Variants in RHPN2 observed in about 807,000 individuals in gnomAD.
RHPN2 encodes rhophilin Rho GTPase binding protein 2.
A neutral mutation model predicts 79.0 loss-of-function variants in RHPN2; 40 were observed. That is an observed-to-expected ratio of 0.51 (90% CI 0.39 to 0.66). RHPN2 has a LOEUF of 0.66. RHPN2 is among the 30% of genes least tolerant of loss of function. The pLI is 0.00. For missense variants in RHPN2, 686 were observed against 883.5 expected, an observed-to-expected ratio of 0.78 and a Z score of 2.83; for synonymous variants, 285 against 363.5, an observed-to-expected ratio of 0.78 and a Z score of 2.46.
chr19:33,003,321 G>C (rs1312680890), intron 7 of RHPN2, among the ~76,000 whole-genome samples: 1 of 120,758 alleles, frequency 8.3e-6, no homozygotes, highest in Non-Finnish European at 1.6e-5. Flanking sequence ...TCTCACTACT[G>C]CACTCCAGCC....
chr19:32,986,680 G>A (rs1971615136), intron 14 of RHPN2, among the ~76,000 whole-genome samples: 1 of 151,368 alleles, frequency 6.6e-6, no homozygotes, highest in East Asian at 2.0e-4. Flanking sequence ...TATAATCCCA[G>A]TCACTCGGGA....
intron 3 of RHPN2, among the ~76,000 whole-genome samples, chr19:33,024,216 G>A (rs1971948318): frequency 6.6e-6 from 1 of 151,954 alleles, no homozygotes; most frequent in Admixed American, 6.6e-5. Flanking sequence ...GGTGGATCAC[G>A]AGGTCAGGAG....
At chr19:33,053,753 C>T (rs1023090706) in intron 1 of RHPN2, among the ~76,000 whole-genome samples, 2 of 151,822 alleles carry the variant, frequency 1.3e-5, no homozygotes, top group African/African-American at 4.8e-5. Flanking sequence ...TTACTAGAGA[C>T]GTGGTTTCAC....
intron 1 of RHPN2, among the ~76,000 whole-genome samples, chr19:33,045,510 G>C (rs1447790459): frequency 6.7e-6 from 1 of 149,770 alleles, no homozygotes; most frequent in Non-Finnish European, 1.5e-5. Flanking sequence ...GTCTTGCTGT[G>C]TCATCCAGGC....
At chr19:33,057,401 G>A (rs1470420040) in intron 1 of RHPN2, among the ~76,000 whole-genome samples, 2 of 152,024 alleles carry the variant, frequency 1.3e-5, no homozygotes, top group African/African-American at 4.8e-5. Flanking sequence ...TTTTATAATA[G>A]ACCTGAGGCT....
chr19:33,033,121 T>G (rs1290956156), intron 2 of RHPN2, among the ~76,000 whole-genome samples: 1 of 152,200 alleles, frequency 6.6e-6, no homozygotes, highest in Non-Finnish European at 1.5e-5. Flanking sequence ...CTTGGTATTT[T>G]TTTCCTAGAA....
In RHPN2 at chr19:33,000,782, C is replaced by T. The variant is rs190304278; in HGVS notation, c.1106-1077G>A. On this transcript the variant is annotated intron_variant, in intron 9 of 14. Transcript: ENST00000254260. Reference sequence around the variant, plus strand: ...CTTTACTCCCTCTAGGCTGACCCTTCCCTCCTGTGCAGATGGAAAAGTTGA... The same window carrying T: ...CTTTACTCCCTCTAGGCTGACCCTTTCCTCCTGTGCAGATGGAAAAGTTGA... Among the ~76,000 whole-genome samples the T allele has an allele frequency of 2.1e-3, 324 of 152,280 alleles. 1 individual carries two copies. The highest frequency in any genetic ancestry group is 2.7e-3 in the Non-Finnish European group (186 of 68,016).
chr19:32,983,092 A>ACACT (rs1555709334), intron 14 of RHPN2, among the ~76,000 whole-genome samples: 1 of 144,372 alleles, frequency 6.9e-6, no homozygotes, highest in African/African-American at 2.6e-5. Flanking sequence ...ACACACACAC[A>ACACT]CACTCCTGCA....
chr19:33,022,209 A>G (rs182939044), intron 3 of RHPN2, among the ~76,000 whole-genome samples: 41 of 152,186 alleles, frequency 2.7e-4, no homozygotes, highest in African/African-American at 8.7e-4. Flanking sequence ...TGGCCTCCCA[A>G]TGTGCTGGGA....
intron 1 of RHPN2, among the ~76,000 whole-genome samples, chr19:33,063,699 C>G (rs536456391): frequency 6.6e-6 from 1 of 152,224 alleles, no homozygotes; most frequent in African/African-American, 2.4e-5. Context: ...TCCCAGGGCC[C>G]CTGCTCCACA....
intron 14 of RHPN2, among the ~76,000 whole-genome samples, chr19:32,984,689 C>T (rs891849316): frequency 6.6e-6 from 1 of 151,934 alleles, no homozygotes. Context: ...CAGTGGCTCA[C>T]GCCTGTAATC....
chr19:32,992,561 C>T (rs1306214880), intron 12 of RHPN2, among the ~76,000 whole-genome samples: 2 of 152,168 alleles, frequency 1.3e-5, no homozygotes, highest in Non-Finnish European at 2.9e-5. Context: ...TAATCCTAAG[C>T]ACTTTGTGTG....
At chr19:33,012,482 T>C (rs1971843062) in intron 5 of RHPN2, among the ~76,000 whole-genome samples, 165 bp downstream of exon 5, 1 of 152,028 alleles carries the variant, frequency 6.6e-6, no homozygotes, top group Non-Finnish European at 1.5e-5. Flanking sequence ...CCTGGCCTCC[T>C]TCTACAGTTT....
chr19:33,019,519 C>T (rs1971906070), intron 4 of RHPN2, among the ~76,000 whole-genome samples: 1 of 151,930 alleles, frequency 6.6e-6, no homozygotes, highest in Non-Finnish European at 1.5e-5. Context: ...GTGAAGGTTG[C>T]GGTGAGCCGA....
chr19:32,984,094 T>G (rs1339549523), intron 14 of RHPN2, among the ~76,000 whole-genome samples: 1 of 152,186 alleles, frequency 6.6e-6, no homozygotes, highest in Non-Finnish European at 1.5e-5. Context: ...ATGAACGTGC[T>G]GAAGGTTACA....
At chr19:32,983,128 A>G (rs553678664) in intron 14 of RHPN2, among the ~76,000 whole-genome samples, 1 of 140,922 alleles carries the variant, frequency 7.1e-6, no homozygotes, top group East Asian at 2.1e-4. Flanking sequence ...TTCTTTGAAA[A>G]GCTTTTCTTG....
intron 4 of RHPN2, among the ~76,000 whole-genome samples, chr19:33,017,837 A>G (rs940537647): frequency 6.6e-6 from 1 of 151,966 alleles, no homozygotes; most frequent in Non-Finnish European, 1.5e-5. Context: ...CCTGGCCAAC[A>G]TGGTGAAACC....
At position 33,008,289 on chromosome 19, in the gene RHPN2, T is replaced by A; in HGVS notation, c.594-109A>T. The stretch of plus-strand genomic sequence containing the variant: ...TTTTAAGAGTCAATATCTCACTCTG[T>A]TGCCCAGGCTGGAGTGCAGTGGTGT... On this transcript the variant is annotated intron_variant, in intron 6 of 14. Transcript: ENST00000254260. 7.0e-6 allele frequency: 8 copies of A among 1,137,948 alleles called. No homozygotes were observed. In the South Asian group the frequency reaches 1.1e-4, roughly 16 times the overall value. The allele number at this position is 1,137,948 out of a possible 1,614,324, so 70.5% of individuals were successfully genotyped here.
At chr19:33,041,819 C>G (rs1383146310) in intron 2 of RHPN2, among the ~76,000 whole-genome samples, 1 of 152,212 alleles carries the variant, frequency 6.6e-6, no homozygotes, top group Non-Finnish European at 1.5e-5. Flanking sequence ...CTCCCATCCT[C>G]CAACAAGAGA....
Sources: allele counts gnomAD v4.1 joint callset (sites outside exome capture counted in the v4.1 genomes callset), GRCh38; gene constraint gnomAD v4.1.1; transcripts MANE v1.5; gene names NCBI Gene and HGNC (gene_info 2026-07-23, HGNC 2026-07-21).